Variants in DYTN observed in about 807,000 individuals in gnomAD.
DYTN encodes dystrotelin.
In DYTN, 75 loss-of-function variants were observed where a neutral mutation model predicts 69.6. The observed-to-expected ratio is 1.08, with a 90% CI of 0.89 to 1.31. The LOEUF (loss-of-function observed/expected upper bound fraction) is 1.31. Among genes scored for constraint, DYTN ranks in the 50% most tolerant of loss-of-function variants. The probability of loss-of-function intolerance (pLI) is 0.00; values close to 1 mark genes in which losing one functional copy is unlikely to be tolerated. For synonymous variants in DYTN, 252 were observed against 249.1 expected, an observed-to-expected ratio of 1.01 and a Z score of -0.11; for missense variants, 726 against 688.4, an observed-to-expected ratio of 1.05 and a Z score of -0.61.
At chr2:206,654,034 T>C (rs1699418154) in intron 11 of DYTN, among the ~76,000 whole-genome samples, 1 of 152,234 alleles carries the variant, frequency 6.6e-6, no homozygotes. Context: ...GCAAGCACAG[T>C]GCTTGGCACA....
intron 11 of DYTN, among the ~76,000 whole-genome samples, chr2:206,660,857 ATTATGTACTCGGT>A (rs1440270074): frequency 1.3e-5 from 2 of 152,170 alleles, no homozygotes; most frequent in Non-Finnish European, 2.9e-5. Context: ...AGCTGACATT[ATTATGTACTCGGT>A]TTATAGCCCT....
chr2:206,705,757 T>C (rs1481281083), intron 4 of DYTN, 31 bp downstream of exon 4: 3 of 1,607,124 alleles, frequency 1.9e-6, no homozygotes, highest in Non-Finnish European at 2.6e-6. Flanking sequence ...CTCACTGCAC[T>C]TTAGGACACC....
chr2:206,678,076 A>G (rs905815337), intron 9 of DYTN, among the ~76,000 whole-genome samples: 6 of 152,212 alleles, frequency 3.9e-5, no homozygotes, highest in Admixed American at 6.5e-5. Context: ...GGAAATAACT[A>G]GGAAGAAAGA....
chr2:206,677,388 G>A (rs1262112712), intron 9 of DYTN, among the ~76,000 whole-genome samples: 1 of 152,126 alleles, frequency 6.6e-6, no homozygotes, highest in Non-Finnish European at 1.5e-5. Flanking sequence ...AAAATAAAAT[G>A]AAAAGCAACT....
chr2:206,680,034 G>A (rs886821538), intron 9 of DYTN, among the ~76,000 whole-genome samples: 25 of 152,152 alleles, frequency 1.6e-4, no homozygotes, highest in Admixed American at 1.4e-3. Context: ...GAGTGCCAGC[G>A]TGGTCGGTCA....
chr2:206,652,062 C>A, intron 11 of DYTN, 141 bp from the exon 12 acceptor site: 1 of 675,230 alleles, frequency 1.5e-6, no homozygotes, highest in Non-Finnish European at 2.5e-6. Flanking sequence ...AGTTAGCCAG[C>A]AAATAAGATG....
intron 1 of DYTN, among the ~76,000 whole-genome samples, chr2:206,711,552 CTTT>C (rs150580072): frequency 6.6e-6 from 1 of 151,322 alleles, no homozygotes; most frequent in Admixed American, 6.6e-5. Context: ...TCTTACCTTT[CTTT>C]TTTTTGTTGT....
Position 206,707,361 on chromosome 2 carries a change from T to A in DYTN, c.237A>T (p.Gly79=). ...GTTCCGGAGCTCTGGGATGCACTTG[T>A]CCTGGGTTTTCCTCCCTGGCCTTCT... ...LFQKAREENP[G]QVHPRAPELT... is the part of the protein sequence containing the mutation. The change falls in exon 3 of 12, where the codon GGA becomes GGT. Residue 79 remains glycine, a synonymous_variant. Transcript: ENST00000452335. The A allele has an allele frequency of 6.2e-7, 1 of 1,612,800 alleles. No homozygotes were observed. Among genetic ancestry groups the A allele is most frequent in the Non-Finnish European group, 8.5e-7 (1 of 1,179,556 alleles).
Position 206,655,247 on chromosome 2 carries a change from A to ATTT in DYTN, c.1634-3329_1634-3327dup, listed in dbSNP as rs56068317. On this transcript the variant is annotated intron_variant, in intron 11 of 11. Coordinates refer to ENST00000452335, the MANE Select transcript of DYTN (RefSeq NM_001093730.1). ...CTATATCTATTGTGATGATTGTGTG[A>ATTT]TTTTTTTTTTTTTTTTGAGACAGAG... Among the ~76,000 whole-genome samples the ATTT allele has an allele frequency of 5.2e-4, 73 of 140,858 alleles. 1 individual carries two copies. The highest frequency in any genetic ancestry group is 1.1e-3 in the Admixed American group (15 of 14,224). The allele number at this position is 140,858 out of a possible 152,430, so 92.4% of individuals were successfully genotyped here. A position where few individuals can be genotyped will look rare whatever the true frequency, so the allele number is the denominator to read the frequency against.
chr2:206,689,682 C>T (rs994598547), intron 9 of DYTN, among the ~76,000 whole-genome samples: 8 of 152,182 alleles, frequency 5.3e-5, no homozygotes, highest in African/African-American at 1.9e-4. Flanking sequence ...AGTGAAGTGA[C>T]TTCCTCATGG....
chr2:206,666,738 CGTGT>C (rs56345459), intron 9 of DYTN, among the ~76,000 whole-genome samples: 19,364 of 145,546 alleles, frequency 0.13, 1,286 homozygotes, highest in African/African-American at 0.17. Flanking sequence ...CATGGGTGTG[CGTGT>C]GTGTGTGTGT....
chr2:206,714,198 T>G (rs1311802828), intron 1 of DYTN, among the ~76,000 whole-genome samples: 1 of 152,192 alleles, frequency 6.6e-6, no homozygotes, highest in Non-Finnish European at 1.5e-5. Context: ...AGGGCCACTC[T>G]TTTTTCTTTC....
At chr2:206,710,000 G>A (rs1301593187) in intron 2 of DYTN, among the ~76,000 whole-genome samples, 1 of 152,136 alleles carries the variant, frequency 6.6e-6, no homozygotes. Flanking sequence ...CTGCAAAAAG[G>A]GGCAGTTCTC....
In DYTN at chr2:206,705,841, G is replaced by T. The variant is rs200127309; in HGVS notation, c.329C>A (p.Ala110Glu). The T allele has an allele frequency of 6.2e-7, 1 of 1,613,834 alleles. No homozygotes were observed. Among genetic ancestry groups the T allele is most frequent in the Non-Finnish European group, 8.5e-7 (1 of 1,179,824 alleles). Residue 110 changes from alanine (A) to glutamate (E), a missense_variant, in exon 4 of 12, where the codon GCG becomes GAG. By Grantham distance (107) the Ala-to-Glu change is moderately radical. Coordinates refer to ENST00000452335, the MANE Select transcript of DYTN (RefSeq NM_001093730.1). ...TGAGAGGGTTATTAGGGCAGCGGCCGCAGGCATAAGCTGGAGAAAACCTGT... is the reference window on the plus strand; with the variant it reads ...TGAGAGGGTTATTAGGGCAGCGGCCTCAGGCATAAGCTGGAGAAAACCTGT... ...KGTGFLQLMPAAAALITLSGD... is the reference protein window; with the variant it reads ...KGTGFLQLMPEAAALITLSGD...
chr2:206,675,224 AAT>A (rs1250603360), intron 9 of DYTN, among the ~76,000 whole-genome samples: 2 of 143,658 alleles, frequency 1.4e-5, no homozygotes, highest in Non-Finnish European at 3.0e-5. Context: ...AGTGTATTTA[AAT>A]ATATATGTAT....
chr2:206,693,626 A>C (rs922250603), intron 8 of DYTN, among the ~76,000 whole-genome samples: 6 of 152,168 alleles, frequency 3.9e-5, no homozygotes, highest in Non-Finnish European at 5.9e-5. Context: ...GGTTGCTCAC[A>C]TTTAGGGTTG....
chr2:206,670,436 A>G (rs893030700), intron 9 of DYTN: 9 of 152,128 alleles, frequency 5.9e-5, no homozygotes, highest in African/African-American at 2.2e-4. Context: ...AGCAAAGGAA[A>G]TGCTATGGAT....
chr2:206,661,541 T>G (rs114234967), intron 11 of DYTN, among the ~76,000 whole-genome samples: 1,719 of 152,230 alleles, frequency 0.011, 35 homozygotes, highest in African/African-American at 0.039. Context: ...CAACCCCTCC[T>G]CCTCCCTCTT....
chr2:206,685,015 A>T (rs1043887221), intron 9 of DYTN, among the ~76,000 whole-genome samples: 1 of 152,174 alleles, frequency 6.6e-6, no homozygotes, highest in Non-Finnish European at 1.5e-5. Context: ...AGCATTACAG[A>T]TCACCAAACA....
Sources: allele counts gnomAD v4.1 joint callset (sites outside exome capture counted in the v4.1 genomes callset), GRCh38; gene constraint gnomAD v4.1.1; transcripts MANE v1.5; gene names NCBI Gene and HGNC (gene_info 2026-07-23, HGNC 2026-07-21).